TENM4: variants seen among roughly 807,000 people sequenced by gnomAD.
TENM4 encodes teneurin transmembrane protein 4, also known as teneurin-4.
A neutral mutation model predicts 243.3 loss-of-function variants in TENM4; 82 were observed. The ratio of observed to expected loss-of-function variants is 0.34; its 90% confidence interval spans 0.28 to 0.40. The LOEUF is 0.40. Ranked by LOEUF, TENM4 falls within the 10% of genes least tolerant of loss-of-function variation. TENM4 has a pLI of 1.00. For synonymous variants in TENM4, 1,412 were observed against 1,456.3 expected (o/e 0.97, Z 0.69); for missense variants, 3,138 against 3,673.3 (o/e 0.85, Z 3.77).
At chr11:78,862,855 A>G (rs1858857887) in intron 10 of TENM4, 107 bp downstream of exon 10, 3 of 1,157,714 alleles carry the variant, frequency 2.6e-6, no homozygotes, top group African/African-American at 1.6e-5. Context: ...GGAGCGCCAG[A>G]GCATGGAGCT....
At position 78,732,485 on chromosome 11, in the gene TENM4, C is replaced by T; in HGVS notation, c.2969G>A (p.Trp990Ter). Residue 990 changes from tryptophan (W) to a stop codon, truncating the protein, a stop_gained, in exon 21 of 34, where the codon TGG becomes TAG. Coordinates refer to ENST00000278550, the MANE Select transcript of TENM4 (RefSeq NM_001098816.3). LOFTEE classifies it high-confidence loss of function. The part of the protein sequence containing the change: ...ITQEHTLWLP[W>*]DRFFVMETII... ...GGTTTCCATGACAAAGAAGCGATCCCATGGCAGCCACAGGGTGTGCTCCTG... is the reference window on the plus strand; with the variant it reads ...GGTTTCCATGACAAAGAAGCGATCCTATGGCAGCCACAGGGTGTGCTCCTG... The T allele has an allele frequency of 1.9e-6, 3 of 1,613,674 alleles. No homozygotes were observed. Among genetic ancestry groups the T allele is most frequent in the Non-Finnish European group, 2.5e-6 (3 of 1,179,806 alleles).
chr11:79,148,619 T>G (rs1862439256), intron 4 of TENM4, 91 bp downstream of exon 4: 2 of 204,720 alleles, frequency 9.8e-6, no homozygotes, highest in Middle Eastern at 2.4e-3. Context: ...GTCTACCTAT[T>G]AATGCATATT....
chr11:79,152,716 G>T (rs947094014), intron 3 of TENM4, among the ~76,000 whole-genome samples: 3 of 152,192 alleles, frequency 2.0e-5, no homozygotes, highest in African/African-American at 7.2e-5. Context: ...CTCTACTGAT[G>T]TCCAATGGAT....
intron 1 of TENM4, among the ~76,000 whole-genome samples, chr11:79,398,804 A>G (rs1456378663): frequency 6.6e-6 from 1 of 150,508 alleles, no homozygotes; most frequent in Admixed American, 6.6e-5. Context: ...GATGGAAGAC[A>G]GATAAGGTAT....
At chr11:79,326,796 C>A (rs1349982143) in intron 1 of TENM4, among the ~76,000 whole-genome samples, 2 of 152,252 alleles carry the variant, frequency 1.3e-5, no homozygotes, top group African/African-American at 4.8e-5. Context: ...CTAAGCTAGG[C>A]AGACACCTTC....
At chr11:78,713,008 T>C (rs768964851) in intron 25 of TENM4, among the ~76,000 whole-genome samples, 2 of 152,218 alleles carry the variant, frequency 1.3e-5, no homozygotes, top group Non-Finnish European at 2.9e-5. Flanking sequence ...CTCAGTGCCA[T>C]GTTTGTATCA....
chr11:79,414,139 C>T (rs1858761912), intron 1 of TENM4, among the ~76,000 whole-genome samples: 1 of 135,808 alleles, frequency 7.4e-6, no homozygotes, highest in Admixed American at 7.7e-5. Context: ...CACACATGAA[C>T]ACATATACAC....
At chr11:78,891,396 T>C in intron 7 of TENM4, 60 bp from the exon 8 acceptor site, 4 of 1,449,540 alleles carry the variant, frequency 2.8e-6, no homozygotes, top group Admixed American at 2.0e-5. Context: ...AGGGGGCTAG[T>C]AGAGAAACAC....
chr11:78,838,052 A>G (rs535526286), intron 12 of TENM4, among the ~76,000 whole-genome samples: 1 of 152,328 alleles, frequency 6.6e-6, no homozygotes, highest in African/African-American at 2.4e-5. Flanking sequence ...AGTAATATAT[A>G]TTGGTATAGT....
chr11:79,026,973 G>A (rs1173130294), intron 6 of TENM4, among the ~76,000 whole-genome samples: 1 of 152,170 alleles, frequency 6.6e-6, no homozygotes, highest in Non-Finnish European at 1.5e-5. Flanking sequence ...GGGCTAGGGA[G>A]GCAGTGAGAT....
At chr11:79,051,776 C>T (rs1055139780) in intron 6 of TENM4, among the ~76,000 whole-genome samples, 56 of 152,320 alleles carry the variant, frequency 3.7e-4, no homozygotes, top group African/African-American at 1.3e-3. Context: ...CTCCCCATTG[C>T]ACCAACCTCC....
chr11:79,342,865 C>A (rs568140472), intron 1 of TENM4, among the ~76,000 whole-genome samples: 3 of 152,336 alleles, frequency 2.0e-5, no homozygotes, highest in South Asian at 2.1e-4. Context: ...CCCCTGCCTG[C>A]GTCCCTGGCG....
At chr11:79,119,825 G>A (rs919045379) in intron 4 of TENM4, among the ~76,000 whole-genome samples, 2 of 152,170 alleles carry the variant, frequency 1.3e-5, no homozygotes, top group Non-Finnish European at 2.9e-5. Context: ...TGATCCTGGA[G>A]CAAAAGGCTC....
intron 1 of TENM4, among the ~76,000 whole-genome samples, chr11:79,375,151 T>C (rs148451402): frequency 5.1e-4 from 77 of 152,344 alleles, no homozygotes; most frequent in African/African-American, 1.7e-3. Context: ...TAAATCATTC[T>C]AGTGGGGGCC....
At chr11:79,403,649 C>A (rs924070896) in intron 1 of TENM4, among the ~76,000 whole-genome samples, 1 of 152,152 alleles carries the variant, frequency 6.6e-6, no homozygotes, top group Non-Finnish European at 1.5e-5. Flanking sequence ...TCGACACTCA[C>A]ATTCTCCCAT....
intron 17 of TENM4, among the ~76,000 whole-genome samples, chr11:78,771,446 A>G (rs1856645735): frequency 6.6e-6 from 1 of 152,234 alleles, no homozygotes; most frequent in Non-Finnish European, 1.5e-5. Context: ...AGCCGGAGTC[A>G]GTGGATGTTG....
At chr11:78,891,006 C>T (rs577365838) in intron 8 of TENM4, among the ~76,000 whole-genome samples, 12 of 152,290 alleles carry the variant, frequency 7.9e-5, no homozygotes, top group African/African-American at 2.6e-4. Flanking sequence ...GGAATGGCAA[C>T]GGCAGCCAAT....
chr11:79,327,649 C>CTTTTT (rs11408549), intron 1 of TENM4, among the ~76,000 whole-genome samples: 1 of 119,768 alleles, frequency 8.3e-6, no homozygotes, highest in Non-Finnish European at 1.7e-5. Flanking sequence ...AATTGGAAAG[C>CTTTTT]TTTTTTTTTT....
chr11:79,401,650 A>G (rs1268483944), intron 1 of TENM4, among the ~76,000 whole-genome samples: 1 of 152,230 alleles, frequency 6.6e-6, no homozygotes, highest in African/African-American at 2.4e-5. Context: ...AACATCAATG[A>G]GTTCATCATG....
Sources: allele counts gnomAD v4.1 joint callset (sites outside exome capture counted in the v4.1 genomes callset), GRCh38; gene constraint gnomAD v4.1.1; transcripts MANE v1.5; gene names NCBI Gene and HGNC (gene_info 2026-07-23, HGNC 2026-07-21).